Variants in WDR17 observed in about 807,000 individuals in gnomAD.
The protein encoded by WDR17 is WD repeat domain 17, also known as WD repeat-containing protein 17.
In WDR17, 143 loss-of-function variants were observed where a neutral mutation model predicts 161.7. The observed-to-expected ratio is 0.88, with a 90% CI of 0.77 to 1.02. The LOEUF is 1.02. WDR17 is among the 50% of genes least tolerant of loss of function. WDR17 has a pLI of 0.00. For synonymous variants in WDR17, 517 were observed against 515.6 expected, an observed-to-expected ratio of 1.00 and a Z score of -0.04; for missense variants, 1,469 against 1,520.9, an observed-to-expected ratio of 0.97 and a Z score of 0.57.
chr4:176,096,338 T>C, intron 1 of WDR17: 1 of 419,118 alleles, frequency 2.4e-6, no homozygotes, highest in Non-Finnish European at 4.3e-6. Flanking sequence ...CTTATTTACT[T>C]GTAAAAAATT....
intron 9 of WDR17, 129 bp from the exon 10 acceptor site, chr4:176,139,763 A>G: frequency 1.5e-6 from 1 of 658,610 alleles, no homozygotes; most frequent in South Asian, 2.2e-5. Flanking sequence ...TGCTCTTGAC[A>G]GTAATGCCTC....
At chr4:176,095,281 G>A (rs1299623828) in intron 1 of WDR17, among the ~76,000 whole-genome samples, 1 of 152,116 alleles carries the variant, frequency 6.6e-6, no homozygotes, top group Non-Finnish European at 1.5e-5. Flanking sequence ...TAGAAGAGCA[G>A]GGCAGAATAG....
intron 4 of WDR17, among the ~76,000 whole-genome samples, chr4:176,120,330 A>G (rs1251295772): frequency 2.7e-5 from 4 of 147,872 alleles, no homozygotes; most frequent in Non-Finnish European, 6.0e-5. Flanking sequence ...AATACATTCA[A>G]CACAGCTGTG....
intron 4 of WDR17, 84 bp downstream of exon 4, chr4:176,120,181 A>T: frequency 9.5e-7 from 1 of 1,054,014 alleles, no homozygotes; most frequent in Non-Finnish European, 1.4e-6. Flanking sequence ...TCTAGTGACC[A>T]GTCCCCATTG....
intron 1 of WDR17, among the ~76,000 whole-genome samples, chr4:176,087,482 C>T (rs989346140): frequency 3.3e-5 from 5 of 152,054 alleles, no homozygotes; most frequent in Admixed American, 6.6e-5. Flanking sequence ...GATAAGGTAT[C>T]GCTTTAACTT....
intron 1 of WDR17, among the ~76,000 whole-genome samples, chr4:176,107,292 G>T (rs1029922612): frequency 1.3e-5 from 2 of 151,710 alleles, no homozygotes; most frequent in African/African-American, 2.4e-5. Context: ...AAAATAGCAC[G>T]TGTTGGTGAG....
chr4:176,070,863 T>A (rs935107900), intron 1 of WDR17, among the ~76,000 whole-genome samples: 8 of 152,138 alleles, frequency 5.3e-5, no homozygotes, highest in Non-Finnish European at 4.4e-5. Context: ...CTTCTAAGCA[T>A]CCATTTGATT....
chr4:176,172,673 T>G (rs1215033576), intron 24 of WDR17, among the ~76,000 whole-genome samples, 157 bp downstream of exon 24: 1 of 152,214 alleles, frequency 6.6e-6, no homozygotes, highest in African/African-American at 2.4e-5. Context: ...CTCATGGTTC[T>G]GCAGGCTGTA....
intron 1 of WDR17, among the ~76,000 whole-genome samples, chr4:176,109,629 A>G (rs1398704070): frequency 6.6e-6 from 1 of 152,230 alleles, no homozygotes; most frequent in Non-Finnish European, 1.5e-5. Context: ...AATAGAAAAG[A>G]TAAAATGAAG....
At chr4:176,169,521 A>G (rs1750391993) in intron 23 of WDR17, among the ~76,000 whole-genome samples, 1 of 152,210 alleles carries the variant, frequency 6.6e-6, no homozygotes, top group South Asian at 2.1e-4. Context: ...GTATGTATTT[A>G]TTTATGTTTA....
intron 4 of WDR17, among the ~76,000 whole-genome samples, chr4:176,124,014 G>A (rs1456329405): frequency 6.6e-6 from 1 of 152,210 alleles, no homozygotes; most frequent in Non-Finnish European, 1.5e-5. Flanking sequence ...AAACAGGGAT[G>A]AAAACCAAAC....
chr4:176,142,237 T>C (rs1348803142), intron 11 of WDR17, among the ~76,000 whole-genome samples, 168 bp downstream of exon 11: 1 of 152,236 alleles, frequency 6.6e-6, no homozygotes, highest in Non-Finnish European at 1.5e-5. Context: ...TTATTTTAGT[T>C]ATTTTTATTC....
intron 1 of WDR17, among the ~76,000 whole-genome samples, chr4:176,075,581 G>A (rs1733854436): frequency 6.6e-6 from 1 of 152,000 alleles, no homozygotes; most frequent in Non-Finnish European, 1.5e-5. Context: ...TTTTTAAAAA[G>A]ACTGTAATTT....
intron 16 of WDR17, among the ~76,000 whole-genome samples, chr4:176,150,866 A>ATGAC (rs1265498074): frequency 6.6e-6 from 1 of 152,166 alleles, no homozygotes; most frequent in Non-Finnish European, 1.5e-5. Context: ...CTATTAGCAG[A>ATGAC]TGACTGTGAC....
At chr4:176,091,476 G>A (rs564985998) in intron 1 of WDR17, among the ~76,000 whole-genome samples, 2 of 152,164 alleles carry the variant, frequency 1.3e-5, no homozygotes, top group South Asian at 2.1e-4. Flanking sequence ...ACCAAAACCT[G>A]TGGGATATAT....
intron 26 of WDR17, 90 bp downstream of exon 26, chr4:176,174,808 A>C: frequency 1.4e-6 from 1 of 717,248 alleles, no homozygotes. Flanking sequence ...AAAGTATCAA[A>C]TATATTATTA....
At position 176,120,039 on chromosome 4, in the gene WDR17, C is replaced by G. The variant is rs773104916; in HGVS notation, c.480C>G (p.His160Gln). ...TCTGTATGTTCAGATGGCATACACA[C>G]CAAAAGGGGAAAGTTGTGTTTGGTC... ...SDICMFRWHT[H>Q]QKGKVVFGHI... is the part of the protein sequence containing the mutation. Residue 160 changes from histidine to glutamine, a missense_variant, in exon 4 of 29, where the codon CAC becomes CAG. Coordinates refer to ENST00000508596, the MANE Select transcript of WDR17 (RefSeq NM_181265.4). The G allele has an allele frequency of 6.2e-7, 1 of 1,613,858 alleles. No homozygotes were observed. Among genetic ancestry groups the G allele is most frequent in the East Asian group, 2.2e-5 (1 of 44,868 alleles).
intron 7 of WDR17, among the ~76,000 whole-genome samples, chr4:176,132,391 A>T (rs13328006): frequency 0.25 from 38,678 of 151,850 alleles, 5,092 homozygotes; most frequent in African/African-American, 0.3. Flanking sequence ...ATCCTCTTTA[A>T]TTTTCCCTAC....
intron 6 of WDR17, 23 bp downstream of exon 6, chr4:176,128,883 T>C (rs1742911509): frequency 6.6e-7 from 1 of 1,523,048 alleles, no homozygotes; most frequent in African/African-American, 1.4e-5. Context: ...GTTATCAAAA[T>C]TTTAATTTTT....
Sources: gnomAD v4.1 joint callset for allele counts (sites outside exome capture counted in the v4.1 genomes callset) on GRCh38, gnomAD v4.1.1 for gene constraint, MANE v1.5 for transcripts, NCBI Gene and HGNC (gene_info 2026-07-23, HGNC 2026-07-21) for gene names.